The following ZNF83 variants were observed in gnomAD, a reference collection of about 807,000 sequenced individuals.
ZNF83 encodes the protein zinc finger protein 816B.
For missense variants in ZNF83, 552 were observed against 629.9 expected (o/e 0.88, Z 1.32); for synonymous variants, 209 against 213.0 (o/e 0.98, Z 0.17).
intron 1 of ZNF83, among the ~76,000 whole-genome samples, chr19:52,688,297 A>G (rs1025761497): frequency 6.6e-6 from 1 of 151,420 alleles, no homozygotes; most frequent in Admixed American, 6.6e-5. Context: ...TGGCCTCCAG[A>G]GTAGCTGGGA....
chr19:52,639,513 G>A (rs2061266105), upstream of ZNF83, among the ~76,000 whole-genome samples: 1 of 139,748 alleles, frequency 7.2e-6, no homozygotes, highest in Non-Finnish European at 1.5e-5. Flanking sequence ...TGCCTCCTGG[G>A]TTGAACCGAT....
exon 3 of ZNF83, chr19:52,613,775 T>C: frequency 6.2e-7 from 1 of 1,610,850 alleles, no homozygotes; most frequent in Non-Finnish European, 8.5e-7. Flanking sequence ...CCACATACAT[T>C]ACATCTGTAA....
intron 3 of ZNF83, among the ~76,000 whole-genome samples, chr19:52,647,886 A>C (rs1361761019): frequency 6.8e-6 from 1 of 147,428 alleles, no homozygotes; most frequent in Non-Finnish European, 1.5e-5. Flanking sequence ...CTGTTAAATT[A>C]TCTCTTCCCT....
At chr19:52,679,039 A>C (rs375952970) in intron 1 of ZNF83, among the ~76,000 whole-genome samples, 1 of 152,146 alleles carries the variant, frequency 6.6e-6, no homozygotes, top group African/African-American at 2.4e-5. Flanking sequence ...AGCTCCCTTA[A>C]TAAGATTGAT....
At chr19:52,640,755 G>A (rs1272165077), upstream of ZNF83, among the ~76,000 whole-genome samples, 2 of 152,264 alleles carry the variant, frequency 1.3e-5, no homozygotes, top group South Asian at 2.1e-4. Context: ...GACTCTGCCT[G>A]CTCAAACAAG....
At chr19:52,678,030 C>T (rs1030506744) in intron 1 of ZNF83, among the ~76,000 whole-genome samples, 1 of 146,494 alleles carries the variant, frequency 6.8e-6, no homozygotes, top group Non-Finnish European at 1.5e-5. Context: ...GTGAGACTGT[C>T]TCAAAAAACA....
At chr19:52,629,516 CTTT>C (rs1234381933) in intron 2 of ZNF83, among the ~76,000 whole-genome samples, 1 of 152,154 alleles carries the variant, frequency 6.6e-6, no homozygotes, top group East Asian at 1.9e-4. Context: ...ACCCTGTAAT[CTTT>C]TTATCACCTC....
chr19:52,650,723 C>T (rs922874279), intron 3 of ZNF83: 2 of 152,224 alleles, frequency 1.3e-5, no homozygotes, highest in African/African-American at 4.8e-5. Context: ...GAAACCCGAT[C>T]AACCAATGTT....
intron 2 of ZNF83, among the ~76,000 whole-genome samples, chr19:52,628,643 A>T (rs1298879365): frequency 6.6e-6 from 1 of 152,006 alleles, no homozygotes; most frequent in African/African-American, 2.4e-5. Flanking sequence ...CTTCACCCTT[A>T]GCAGCAAGTT....
intron 1 of ZNF83, among the ~76,000 whole-genome samples, chr19:52,686,480 A>G (rs1172768230): frequency 3.0e-5 from 4 of 132,424 alleles, no homozygotes; most frequent in African/African-American, 1.2e-4. Context: ...ATATATATAT[A>G]TAAATAAATG....
chr19:52,632,183 G>A (rs971175689), intron 2 of ZNF83, among the ~76,000 whole-genome samples: 2 of 152,140 alleles, frequency 1.3e-5, no homozygotes, highest in African/African-American at 4.8e-5. Flanking sequence ...CAGCAGACCA[G>A]ACTTTATTAG....
chr19:52,658,626 C>G (rs2061538128), intron 2 of ZNF83, among the ~76,000 whole-genome samples: 1 of 152,088 alleles, frequency 6.6e-6, no homozygotes, highest in Non-Finnish European at 1.5e-5. Flanking sequence ...AGTCACAAAC[C>G]TTTTGGAAGG....
chr19:52,671,031 T>G (rs536859218), intron 1 of ZNF83, among the ~76,000 whole-genome samples: 11 of 152,346 alleles, frequency 7.2e-5, no homozygotes, highest in Admixed American at 2.0e-4. Flanking sequence ...TCTTCAGGAT[T>G]GGTAGGGCCT....
At chr19:52,655,729 T>C in intron 2 of ZNF83, 1 of 791,258 alleles carries the variant, frequency 1.3e-6, no homozygotes, top group Non-Finnish European at 2.2e-6. Flanking sequence ...TAGGGAGGAG[T>C]CATTACCTTC....
At chr19:52,672,763 T>G (rs1173431490) in intron 1 of ZNF83, among the ~76,000 whole-genome samples, 1 of 152,078 alleles carries the variant, frequency 6.6e-6, no homozygotes, top group Non-Finnish European at 1.5e-5. Flanking sequence ...TCATGCTGGG[T>G]TAATTTTTGT....
chr19:52,622,538 C>T lies in ZNF83; in HGVS notation c.-233-7741G>A, dbSNP rs146124591. ...ATCCCTAATGGGAATACCAGACAGG[C>T]TCCCCAGGTATAGCTAGGCAAGATT... On this transcript the variant is annotated intron_variant, in intron 2 of 2. Transcript: ENST00000301096. Among the ~76,000 whole-genome samples the T allele has an allele frequency of 2.5e-3, 376 of 152,272 alleles. 2 individuals are homozygous for T. Among genetic ancestry groups the T allele is most frequent in the Non-Finnish European group, 2.5e-3 (170 of 68,028 alleles).
intron 3 of ZNF83, chr19:52,655,393 G>C: frequency 1.5e-6 from 1 of 665,394 alleles, no homozygotes; most frequent in Non-Finnish European, 2.6e-6. Context: ...CCATAGGATA[G>C]TCTCTAAGAA....
chr19:52,626,261 G>A (rs1244752755), intron 2 of ZNF83, among the ~76,000 whole-genome samples: 4 of 152,152 alleles, frequency 2.6e-5, no homozygotes, highest in African/African-American at 9.7e-5. Context: ...TAGCATTACA[G>A]ATATATCACA....
chr19:52,680,676 G>C (rs556622453), intron 1 of ZNF83, among the ~76,000 whole-genome samples: 164 of 123,260 alleles, frequency 1.3e-3, no homozygotes, highest in South Asian at 2.4e-3. Context: ...GCAGTGGCGC[G>C]ATCTCGGCTC....
Sources: allele counts gnomAD v4.1 joint callset (sites outside exome capture counted in the v4.1 genomes callset), GRCh38; gene constraint gnomAD v4.1.1; transcripts MANE v1.5; gene names NCBI Gene and HGNC (gene_info 2026-07-23, HGNC 2026-07-21).